Variants in FBLN2 observed in about 807,000 individuals in gnomAD.
The protein encoded by FBLN2 is fibulin-2.
A neutral mutation model predicts 123.7 loss-of-function variants in FBLN2; 81 were observed. The ratio of observed to expected loss-of-function variants is 0.65; its 90% CI spans 0.55 to 0.79. The LOEUF (loss-of-function observed/expected upper bound fraction) is 0.79, where lower values mean the gene tolerates loss of function less well. Among genes scored for constraint, FBLN2 ranks in the 30% least tolerant of loss-of-function variants. The probability of loss-of-function intolerance (pLI) is 0.00; values close to 1 mark genes in which losing one functional copy is unlikely to be tolerated. For missense variants in FBLN2, 1,603 were observed against 1,681.3 expected (o/e 0.95, Z 0.81); for synonymous variants, 699 against 701.4 (o/e 1.00, Z 0.05).
Position 13,638,354 on chromosome 3 carries a change from AT to A in FBLN2, c.*436del, listed in dbSNP as rs68091511. On this transcript the variant is annotated 3_prime_UTR_variant, in exon 18 of 18. Coordinates refer to ENST00000404922, the MANE Select transcript of FBLN2 (RefSeq NM_001004019.2). ...CTATAAAGTAGTACATGTACATTAT[AT>A]AAAAAAAAGTTCAACTAGTATGAAA... The A allele has an allele frequency of 0.073, 26,627 of 364,758 alleles. 1,465 individuals carry two copies. Among genetic ancestry groups the A allele is most frequent in the African/African-American group, 0.2 (8,787 of 43,764 alleles). The allele number at this position is 364,758 out of a possible 1,614,324, so 22.6% of individuals were successfully genotyped here.
intron 3 of FBLN2, 91 bp downstream of exon 3, chr3:13,608,264 A>T: frequency 1.2e-6 from 1 of 865,678 alleles, no homozygotes; most frequent in Non-Finnish European, 1.8e-6. Flanking sequence ...GGCAGCCCGG[A>T]GAGAGTGCAC....
chr3:13,630,699 A>T lies in FBLN2; in HGVS notation c.2969A>T (p.Asp990Val). ...LLAADGKRCE[D>V]VNECEAQRCS... ...TGACTGCCTGCTGGTGTCCCTGCAGACGTGAATGAGTGTGAGGCCCAGCGC... is the reference window on the plus strand; with the variant it reads ...TGACTGCCTGCTGGTGTCCCTGCAGTCGTGAATGAGTGTGAGGCCCAGCGC... The change falls in exon 15 of 18, where the codon GAC (aspartate) becomes GTC (valine). Residue 990 changes from aspartate (D) to valine (V), a missense_variant and splice_region_variant. Coordinates refer to ENST00000404922, the MANE Select transcript of FBLN2 (RefSeq NM_001004019.2). 6.3e-7 allele frequency: 1 copy of T among 1,599,600 alleles called. No individual in the cohort carries two copies. Among genetic ancestry groups the T allele is most frequent in the Non-Finnish European group, 8.5e-7 (1 of 1,172,702 alleles).
intron 2 of FBLN2, among the ~76,000 whole-genome samples, chr3:13,584,607 A>C (rs1475511103): frequency 6.6e-6 from 1 of 152,174 alleles, no homozygotes; most frequent in Non-Finnish European, 1.5e-5. Context: ...AGGTAGAGGC[A>C]ACTGTGCCTG....
At chr3:13,557,091 C>A (rs1012824678) in intron 1 of FBLN2, among the ~76,000 whole-genome samples, 1 of 152,256 alleles carries the variant, frequency 6.6e-6, no homozygotes, top group Non-Finnish European at 1.5e-5. Flanking sequence ...ATTTCCACTT[C>A]AAGAGCTCAG....
chr3:13,586,534 G>A (rs1323058093), intron 2 of FBLN2, among the ~76,000 whole-genome samples: 3 of 142,408 alleles, frequency 2.1e-5, no homozygotes, highest in Non-Finnish European at 4.5e-5. Flanking sequence ...GTCTTGCTCT[G>A]TCACCCAGGC....
At chr3:13,612,356 T>G (rs1705431767) in intron 4 of FBLN2, among the ~76,000 whole-genome samples, 1 of 116,442 alleles carries the variant, frequency 8.6e-6, no homozygotes, top group African/African-American at 4.3e-5. Context: ...TTCTTTTTCT[T>G]TCTGTCTGTC....
intron 4 of FBLN2, among the ~76,000 whole-genome samples, chr3:13,612,319 CT>C: frequency 7.3e-6 from 1 of 136,320 alleles, no homozygotes; most frequent in African/African-American, 2.8e-5. Context: ...TTCTTTCTTT[CT>C]TTCTTTCTTT....
chr3:13,572,478 A>G (rs1703994966), intron 2 of FBLN2, among the ~76,000 whole-genome samples: 2 of 152,260 alleles, frequency 1.3e-5, no homozygotes, highest in African/African-American at 4.8e-5. Context: ...AAGGCCCTGG[A>G]GCCTGCACTC....
At chr3:13,633,995 A>ACACACACACACACACACACACACT (rs1706360045) in intron 16 of FBLN2, among the ~76,000 whole-genome samples, 6 of 149,384 alleles carry the variant, frequency 4.0e-5, no homozygotes, top group Non-Finnish European at 6.0e-5. Flanking sequence ...ACACACACAC[A>ACACACACACACACACACACACACT]GCTGAAAGTC....
intron 2 of FBLN2, among the ~76,000 whole-genome samples, chr3:13,600,024 A>C (rs1272341351): frequency 2.0e-5 from 2 of 102,490 alleles, no homozygotes; most frequent in East Asian, 9.2e-4. Flanking sequence ...CGACAGAGAG[A>C]GAGAGAGAGA....
At chr3:13,593,861 T>C (rs1377718972) in intron 2 of FBLN2, among the ~76,000 whole-genome samples, 1 of 152,116 alleles carries the variant, frequency 6.6e-6, no homozygotes, top group East Asian at 1.9e-4. Flanking sequence ...CGTGGGCGGC[T>C]GTAACCATTA....
chr3:13,604,981 G>A (rs1318777830), intron 2 of FBLN2, among the ~76,000 whole-genome samples: 3 of 152,320 alleles, frequency 2.0e-5, no homozygotes, highest in Admixed American at 6.5e-5. Flanking sequence ...GACATTTAGA[G>A]GGCTTTGTGG....
In FBLN2 at chr3:13,618,987, C is replaced by A. The variant is rs57991533; in HGVS notation, c.2023C>A (p.Leu675Met). The part of the protein sequence containing the change: ...FSQVASNTIP[L>M]PLPQPNTCKD... ...CCAGGTGGCCTCTAACACCATCCCG[C>A]TGCCACTGCCGCAGCCCAATACCTG... The change falls in exon 7 of 18, where the codon CTG becomes ATG. Residue 675 changes from leucine to methionine, a missense_variant. Transcript: ENST00000404922. The A allele has an allele frequency of 8.3e-5, 134 of 1,612,828 alleles. 1 individual carries two copies. In the African/African-American group the frequency reaches 1.7e-3, roughly 21 times the overall value.
intron 4 of FBLN2, 172 bp from the exon 5 acceptor site, chr3:13,613,812 T>C: frequency 1.6e-6 from 1 of 614,164 alleles, no homozygotes; most frequent in Non-Finnish European, 2.7e-6. Flanking sequence ...TAGTCCTACC[T>C]GTGCCAGACT....
rs1180976930 is a variant in FBLN2 at position 13,618,176 on chromosome 3, C to T, written c.1830C>T (p.Leu610=). The part of the protein sequence containing the change: ...LPGDDQDECL[L]LPGELCQHLC... ...GCGATGACCAGGATGAGTGCCTTCT[C>T]CTCCCGGGAGAGCTGTGCCAGCACC... The change falls in exon 6 of 18, where the codon CTC becomes CTT. Residue 610 remains leucine (L), a synonymous_variant. Coordinates refer to ENST00000404922, the MANE Select transcript of FBLN2 (RefSeq NM_001004019.2). 1.2e-6 allele frequency: 2 copies of T among 1,613,392 alleles called. No individual in the cohort carries two copies. The highest frequency in any genetic ancestry group is 2.7e-5 in the African/African-American group (2 of 75,074).
At chr3:13,621,740 A>T in intron 8 of FBLN2, 35 bp from the exon 9 acceptor site, 1 of 1,611,744 alleles carries the variant, frequency 6.2e-7, no homozygotes, top group Non-Finnish European at 8.5e-7. Context: ...TCCCTCTAAC[A>T]GTCCTTCTGT....
chr3:13,608,081 C>G lies in FBLN2; in HGVS notation c.1326C>G (p.Ile442Met), dbSNP rs746832821. The change falls in exon 3 of 18, where the codon ATC becomes ATG. Residue 442 changes from isoleucine to methionine, a missense_variant. Physicochemically the swap from Ile to Met is conservative, Grantham distance 10 (BLOSUM62 1). Transcript: ENST00000404922. ...SSPEGSTKDLIETCCAAGQQW... is the reference protein window; with the variant it reads ...SSPEGSTKDLMETCCAAGQQW... ...CCACAGGCTCCACCAAGGACCTGAT[C>G]GAGACTTGCTGCGCAGCCGGACAGC... The G allele has an allele frequency of 1.3e-6, 2 of 1,586,972 alleles. No homozygotes were observed. Among genetic ancestry groups the G allele is most frequent in the Non-Finnish European group, 1.7e-6 (2 of 1,166,788 alleles).
In FBLN2 at chr3:13,614,223, C is replaced by T. The variant is rs1705501732; in HGVS notation, c.1729+59C>T. 24 of 1,538,082 alleles carry T rather than the reference C, an allele frequency of 1.6e-5. No homozygotes were observed. The South Asian group carries it at 2.5e-4, about 16-fold the overall frequency. ...GGGCGAAGGCTGGTTGACCTCTGGC[C>T]TTCTGTGGGGACCCTGGGTCCATCA... On this transcript the variant is annotated intron_variant, in intron 5 of 17. Coordinates refer to ENST00000404922, the MANE Select transcript of FBLN2 (RefSeq NM_001004019.2).
chr3:13,611,439 C>T (rs1310077335), intron 4 of FBLN2, among the ~76,000 whole-genome samples: 1 of 152,126 alleles, frequency 6.6e-6, no homozygotes, highest in Non-Finnish European at 1.5e-5. Flanking sequence ...ATTCCCTCTC[C>T]CTGTAGCTCC....
Sources: gnomAD v4.1 joint callset for allele counts (sites outside exome capture counted in the v4.1 genomes callset) on GRCh38, gnomAD v4.1.1 for gene constraint, MANE v1.5 for transcripts, NCBI Gene and HGNC (gene_info 2026-07-23, HGNC 2026-07-21) for gene names.